Variants in SRPX observed in about 807,000 individuals in gnomAD.
SRPX encodes sushi repeat containing protein X-linked.
A neutral mutation model predicts 38.1 loss-of-function variants in SRPX; 24 were observed. The ratio of observed to expected loss-of-function variants is 0.63; its 90% CI spans 0.46 to 0.89. SRPX has a LOEUF of 0.89. SRPX is among the 40% of genes least tolerant of loss of function. SRPX has a pLI of 0.00. For synonymous variants in SRPX, 184 were observed against 153.8 expected (o/e 1.20, Z -1.45); for missense variants, 416 against 377.8 (o/e 1.10, Z -0.84).
intron 1 of SRPX, among the ~76,000 whole-genome samples, chrX:38,186,158 T>C (rs1472724474): frequency 1.8e-5 from 2 of 111,984 alleles, no homozygotes; most frequent in Admixed American, 1.9e-4. Context: ...TTGAATACTG[T>C]CTCACACTCT....
chrX:38,165,358 C>T (rs1396576429), intron 4 of SRPX, among the ~76,000 whole-genome samples: 1 of 112,338 alleles, frequency 8.9e-6, no homozygotes. Flanking sequence ...GAGTACCAAT[C>T]TTATCCAAGG....
intron 2 of SRPX, among the ~76,000 whole-genome samples, chrX:38,175,195 C>A: frequency 8.9e-6 from 1 of 111,994 alleles, no homozygotes; most frequent in South Asian, 3.8e-4. Flanking sequence ...CAGCCACTGC[C>A]CCATTGTCCC....
Position 38,157,028 on chromosome X carries a change from G to T in SRPX, c.957C>A (p.Ala319=). ...TTCTGACACCCACATTGACGTTCAT[G>T]GCTGTAATCAGAAATGGCCACATGG... The part of the protein sequence containing the change: ...AWSGTEPTCA[A]MNVNVGVRTA... Residue 319 remains alanine (A), a splice_region_variant and synonymous_variant, in exon 8 of 10, where the codon GCC becomes GCA. Transcript: ENST00000378533. The T allele has an allele frequency of 8.3e-7, 1 of 1,210,671 alleles. No homozygotes were observed. The highest frequency in any genetic ancestry group is 1.8e-5 in the South Asian group (1 of 56,640).
At chrX:38,180,198 T>A (rs764395352) in intron 1 of SRPX, among the ~76,000 whole-genome samples, 1 of 111,636 alleles carries the variant, frequency 9.0e-6, no homozygotes, top group Non-Finnish European at 1.9e-5. Flanking sequence ...TTGCCCTCGG[T>A]TGTCATCCTG....
intron 1 of SRPX, among the ~76,000 whole-genome samples, chrX:38,189,821 G>T (rs966235727): frequency 1.3e-4 from 15 of 111,976 alleles, no homozygotes; most frequent in Admixed American, 9.5e-4. Context: ...AAACTCTTCA[G>T]GGAATACGGT....
chrX:38,193,373 G>A (rs1174490403), intron 1 of SRPX, among the ~76,000 whole-genome samples: 1 of 111,620 alleles, frequency 9.0e-6, no homozygotes, highest in Non-Finnish European at 1.9e-5. Flanking sequence ...ATTTTACACA[G>A]CACAATCAAA....
In SRPX at chrX:38,174,257, C is replaced by T; in HGVS notation, c.252G>A (p.Arg84=). The T allele has an allele frequency of 1.7e-6, 2 of 1,166,520 alleles. No homozygotes were observed. The highest frequency in any genetic ancestry group is 2.3e-6 in the Non-Finnish European group (2 of 873,669). The change falls in exon 3 of 10, where the codon AGG becomes AGA. Residue 84 remains arginine (R), a synonymous_variant. Coordinates refer to ENST00000378533, the MANE Select transcript of SRPX (RefSeq NM_006307.5). ...GGYYKTALGT[R]CDIRCQKGYE... Reference sequence around the variant, plus strand: ...AGCCCTTCTGGCAGCGAATGTCGCACCTGGTTCCCAGGGCTGTTTTGTAGT... The same window carrying T: ...AGCCCTTCTGGCAGCGAATGTCGCATCTGGTTCCCAGGGCTGTTTTGTAGT...
intron 4 of SRPX, among the ~76,000 whole-genome samples, chrX:38,168,334 T>A: frequency 9.1e-6 from 1 of 109,354 alleles, no homozygotes; most frequent in East Asian, 2.9e-4. Flanking sequence ...AAATTATAAA[T>A]GAGAGAGAGA....
chrX:38,174,357 A>G lies in SRPX; in HGVS notation c.158-6T>C. The G allele has an allele frequency of 2.0e-6, 2 of 1,023,544 alleles. No homozygotes were observed. Among genetic ancestry groups the G allele is most frequent in the Non-Finnish European group, 2.5e-6 (2 of 795,409 alleles). 84.4% of individuals were successfully genotyped at this position (1,023,544 alleles called of 1,213,427 possible). ...GGGGGAGCACCACGGGGTATCTACA[A>G]GTAGCAGAAACAAAAGAGGAGATAA... On this transcript the variant is annotated splice_region_variant and splice_polypyrimidine_tract_variant and intron_variant, in intron 2 of 9. Transcript: ENST00000378533.
At chrX:38,162,820 TA>T (rs1185533558) in intron 5 of SRPX, among the ~76,000 whole-genome samples, 1 of 112,011 alleles carries the variant, frequency 8.9e-6, no homozygotes, top group Non-Finnish European at 1.9e-5. Flanking sequence ...TCTCAAAAAA[TA>T]AAAAAATCAA....
rs767523372 is a variant in SRPX, at chrX:38,154,542, C to T, written c.1131G>A (p.Val377=). 6.2e-5 allele frequency: 75 copies of T among 1,208,297 alleles called. 1 individual carries two copies. Among genetic ancestry groups the T allele is most frequent in the Non-Finnish European group, 8.2e-5 (73 of 893,871 alleles). ...GAGTCGGGAACACACCCACCAGCTCCACCACGGTGATGTGTCGAAGATCAA... is the reference window on the plus strand; with the variant it reads ...GAGTCGGGAACACACCCACCAGCTCTACCACGGTGATGTGTCGAAGATCAA... ...CGLDLRHITV[V]ELVGVFPTLI... The change falls in exon 9 of 10, where the codon GTG becomes GTA. Residue 377 remains valine (V), a synonymous_variant. Coordinates refer to ENST00000378533, the MANE Select transcript of SRPX (RefSeq NM_006307.5).
chrX:38,165,042 C>T, intron 4 of SRPX, 147 bp from the exon 5 acceptor site: 1 of 485,395 alleles, frequency 2.1e-6, no homozygotes, highest in Non-Finnish European at 3.3e-6. Context: ...CCTTTTCTCC[C>T]TTCATAATGC....
chrX:38,217,184 G>A (rs776478018), intron 1 of SRPX, among the ~76,000 whole-genome samples: 30 of 112,755 alleles, frequency 2.7e-4, no homozygotes, highest in African/African-American at 7.7e-4. Flanking sequence ...GACATAGCAC[G>A]GCCCCTGCCT....
chrX:38,216,494 A>G (rs1324483863), intron 1 of SRPX, among the ~76,000 whole-genome samples: 1 of 112,632 alleles, frequency 8.9e-6, no homozygotes, highest in African/African-American at 3.2e-5. Context: ...GGCTTAAAAG[A>G]CCACCCTCCT....
At chrX:38,211,067 G>A (rs184145461) in intron 1 of SRPX, among the ~76,000 whole-genome samples, 4 of 112,226 alleles carry the variant, frequency 3.6e-5, no homozygotes, top group African/African-American at 1.3e-4. Context: ...AACTGCCATC[G>A]TATCACCAAG....
At chrX:38,182,755 T>C (rs1938695183) in intron 1 of SRPX, among the ~76,000 whole-genome samples, 1 of 111,705 alleles carries the variant, frequency 9.0e-6, no homozygotes, top group African/African-American at 3.3e-5. Flanking sequence ...GGCTATTGTG[T>C]AAGGATAAAC....
Position 38,160,108 on chromosome X carries a change from G to T in SRPX, c.864C>A (p.Phe288Leu). ...GGAGCTCATAGCCGCCGATGCAGGA[G>T]AACTCACAGGTGGCTCCATAATTAT... ...DGDNYGATCE[F>L]SCIGGYELQG... The change falls in exon 7 of 10, where the codon TTC becomes TTA. Residue 288 changes from phenylalanine to leucine, a missense_variant. By Grantham distance (22) the Phe-to-Leu change is conservative. Transcript: ENST00000378533. 2 of 1,211,736 alleles carry T rather than the reference G, an allele frequency of 1.7e-6. No homozygotes were observed. The highest frequency in any genetic ancestry group is 2.2e-6 in the Non-Finnish European group (2 of 895,378).
intron 1 of SRPX, among the ~76,000 whole-genome samples, chrX:38,199,926 T>C (rs145136421): frequency 0.011 from 1,249 of 112,296 alleles, 8 homozygotes; most frequent in Middle Eastern, 0.028. Flanking sequence ...AGCCTATTAA[T>C]TTGGGGGATT....
intron 1 of SRPX, among the ~76,000 whole-genome samples, chrX:38,201,974 A>G (rs945132246): frequency 1.2e-4 from 13 of 112,220 alleles, no homozygotes; most frequent in African/African-American, 4.2e-4. Context: ...AGAGTGGAAA[A>G]GAAGAACTGT....
Sources: allele counts gnomAD v4.1 joint callset (sites outside exome capture counted in the v4.1 genomes callset), GRCh38; gene constraint gnomAD v4.1.1; transcripts MANE v1.5; gene names NCBI Gene and HGNC (gene_info 2026-07-23, HGNC 2026-07-21).